Variants in ZNF705G observed in about 807,000 individuals in gnomAD.
ZNF705G encodes the protein zinc finger protein 705G.
A neutral mutation model predicts 19.6 loss-of-function variants in ZNF705G; 23 were observed. The observed-to-expected ratio is 1.17, with a 90% confidence interval of 0.84 to 1.66. ZNF705G has a LOEUF of 1.66. Ranked by LOEUF, ZNF705G falls within the 40% of genes most tolerant of loss-of-function variation. The pLI, the probability that ZNF705G is intolerant of heterozygous loss-of-function variation, is 0.00. For synonymous variants in ZNF705G, 146 were observed against 117.7 expected (o/e 1.24, Z -1.56); for missense variants, 457 against 354.4 (o/e 1.29, Z -2.32).
intron 1 of ZNF705G, among the ~76,000 whole-genome samples, chr8:7,384,510 C>A (rs1435796575): frequency 6.8e-6 from 1 of 145,996 alleles, no homozygotes; most frequent in Admixed American, 6.6e-5. Flanking sequence ...TGAACCTAAC[C>A]TGTAAGAGGA....
At chr8:7,380,014 G>A (rs1370860312) in intron 2 of ZNF705G, among the ~76,000 whole-genome samples, 5 of 142,092 alleles carry the variant, frequency 3.5e-5, no homozygotes, top group African/African-American at 1.5e-4. Flanking sequence ...ACTCACCAGT[G>A]TAGCTTGGTC....
rs545510261 is a variant in ZNF705G at position 7,357,777 on chromosome 8, A to T, written c.*199T>A. ...TGGCATGTTTAGATGCTACAACTAC[A>T]GCTGAAGTCTCTTCCACATTCCTTA... is the stretch of plus-strand genomic sequence containing the variant. On this transcript the variant is annotated 3_prime_UTR_variant, in exon 7 of 7. Coordinates refer to ENST00000400156, the MANE Select transcript of ZNF705G (RefSeq NM_001164457.3). 1 of 882,686 alleles carries T rather than the reference A, an allele frequency of 1.1e-6. No homozygotes were observed. Among genetic ancestry groups the T allele is most frequent in the Admixed American group, 2.9e-5 (1 of 34,026 alleles). The allele number at this position is 882,686 out of a possible 1,614,324, so 54.7% of individuals were successfully genotyped here. A position where few individuals can be genotyped will look rare whatever the true frequency, so the allele number is the denominator to read the frequency against.
intron 2 of ZNF705G, among the ~76,000 whole-genome samples, chr8:7,368,688 G>A (rs1270701877): frequency 6.7e-6 from 1 of 149,748 alleles, no homozygotes; most frequent in Non-Finnish European, 1.5e-5. Context: ...CTTGGCTGGT[G>A]GCAGCCCCTC....
chr8:7,368,272 C>T (rs1232276835), intron 2 of ZNF705G, among the ~76,000 whole-genome samples: 5 of 149,364 alleles, frequency 3.3e-5, no homozygotes, highest in Non-Finnish European at 5.9e-5. Flanking sequence ...AGAGTTAAGG[C>T]TATTTTGAAG....
intron 2 of ZNF705G, among the ~76,000 whole-genome samples, chr8:7,368,553 T>C (rs1371371624): frequency 6.7e-6 from 1 of 149,778 alleles, no homozygotes; most frequent in Non-Finnish European, 1.5e-5. Context: ...AGGGGTCATG[T>C]AGTACTTGTA....
At chr8:7,380,899 C>G (rs1186299247) in intron 2 of ZNF705G, among the ~76,000 whole-genome samples, 2 of 140,036 alleles carry the variant, frequency 1.4e-5, no homozygotes, top group African/African-American at 6.4e-5. Flanking sequence ...TGCCTGTAAT[C>G]CCAGCTACTC....
chr8:7,367,065 G>A (rs1417178226), intron 2 of ZNF705G, among the ~76,000 whole-genome samples: 1 of 149,722 alleles, frequency 6.7e-6, no homozygotes, highest in Non-Finnish European at 1.5e-5. Context: ...TTAAAATAAT[G>A]AGATATGGTC....
chr8:7,379,086 C>G (rs1415998552), intron 2 of ZNF705G, among the ~76,000 whole-genome samples: 3 of 150,660 alleles, frequency 2.0e-5, no homozygotes, highest in Non-Finnish European at 4.4e-5. Context: ...GGGGGCCTCC[C>G]CTTGGTCATT....
rs545266314 is a variant in ZNF705G at position 7,374,718 on chromosome 8, C to T, written c.-72+6734G>A. Reference sequence around the variant, plus strand: ...AGGCTCAGAATACCAAGCCTTAGTGCTGTCCCTATCATCTGCTTCACTCGA... The same window carrying T: ...AGGCTCAGAATACCAAGCCTTAGTGTTGTCCCTATCATCTGCTTCACTCGA... On this transcript the variant is annotated intron_variant, in intron 2 of 6. Coordinates refer to ENST00000400156, the MANE Select transcript of ZNF705G (RefSeq NM_001164457.3). Among the ~76,000 whole-genome samples, 9 of 89,356 alleles carry T rather than the reference C, an allele frequency of 1.0e-4. 3 individuals carry two copies. Among genetic ancestry groups the T allele is most frequent in the South Asian group, 7.9e-4 (2 of 2,526 alleles). The allele number at this position is 89,356 out of a possible 152,430, so 58.6% of individuals were successfully genotyped here.
chr8:7,358,800 A>G (rs1285553882), intron 6 of ZNF705G, among the ~76,000 whole-genome samples: 1 of 149,368 alleles, frequency 6.7e-6, no homozygotes, highest in Non-Finnish European at 1.5e-5. Context: ...CCTAAATAAT[A>G]TGGCTACAAG....
chr8:7,385,429 C>A (rs1210431150), intron 1 of ZNF705G, 69 bp downstream of exon 1: 4 of 149,074 alleles, frequency 2.7e-5, no homozygotes. Context: ...ACACTTACAC[C>A]CTGAAAGCAA....
Position 7,355,860 on chromosome 8 carries a change from G to C in ZNF705G, c.*2116C>G, listed in dbSNP as rs1390519466. ...CTTGCCTCTCCAACCAGTTTGCCAA[G>C]GGCTTGAATTTCTTGCTCATTATCC... On this transcript the variant is annotated 3_prime_UTR_variant, in exon 7 of 7. Transcript: ENST00000400156. 1 of 149,624 alleles carries C rather than the reference G, an allele frequency of 6.7e-6. No homozygotes were observed. Among genetic ancestry groups the C allele is most frequent in the Non-Finnish European group, 1.5e-5 (1 of 68,014 alleles). The allele number at this position is 149,624 out of a possible 1,614,324, so 9.3% of individuals were successfully genotyped here. A position where few individuals can be genotyped will look rare whatever the true frequency, so the allele number is the denominator to read the frequency against.
At chr8:7,361,009 G>T in intron 4 of ZNF705G, 101 bp downstream of exon 4, 1 of 1,579,326 alleles carries the variant, frequency 6.3e-7, no homozygotes, top group South Asian at 1.1e-5. Flanking sequence ...GAGAGAATCA[G>T]AGAAGAGATT....
At chr8:7,382,684 A>C (rs1221973665) in intron 1 of ZNF705G, among the ~76,000 whole-genome samples, 1 of 146,626 alleles carries the variant, frequency 6.8e-6, no homozygotes, top group Admixed American at 6.6e-5. Context: ...GCCTCTTTCC[A>C]CACATCTATG....
chr8:7,384,612 T>A (rs1385739925), intron 1 of ZNF705G, among the ~76,000 whole-genome samples: 1 of 145,386 alleles, frequency 6.9e-6, no homozygotes, highest in Non-Finnish European at 1.5e-5. Context: ...CCCTAAAATT[T>A]AAAACTTAAT....
chr8:7,379,202 C>T (rs1182490718), intron 2 of ZNF705G, among the ~76,000 whole-genome samples: 1 of 147,920 alleles, frequency 6.8e-6, no homozygotes, highest in African/African-American at 2.7e-5. Flanking sequence ...ACATGGACTA[C>T]TCGAAATCTC....
rs1585404536 is a variant in ZNF705G at position 7,357,728 on chromosome 8, T to G, written c.*248A>C. 7.3e-6 allele frequency: 5 copies of G among 685,240 alleles called. No individual in the cohort carries two copies. In the East Asian group the frequency reaches 1.4e-4, roughly 20 times the overall value. The allele number at this position is 685,240 out of a possible 1,614,324, so 42.4% of individuals were successfully genotyped here. A position where few individuals can be genotyped will look rare whatever the true frequency, so the allele number is the denominator to read the frequency against. On this transcript the variant is annotated 3_prime_UTR_variant, in exon 7 of 7. Transcript: ENST00000400156. ...GAAGTATCTTCCATGTTGATTACAG[T>G]ATTTCTTCAAAATGTGAGTCCTTTG...
At chr8:7,384,563 C>T (rs1807648217) in intron 1 of ZNF705G, among the ~76,000 whole-genome samples, 1 of 146,022 alleles carries the variant, frequency 6.8e-6, no homozygotes, top group Non-Finnish European at 1.5e-5. Context: ...ACACAAGATA[C>T]TACTTTCCTC....
chr8:7,369,375 G>A (rs1452118506), intron 2 of ZNF705G, among the ~76,000 whole-genome samples: 3 of 149,302 alleles, frequency 2.0e-5, no homozygotes, highest in Non-Finnish European at 2.9e-5. Flanking sequence ...GGAAAATGTG[G>A]CGTTGGAACC....
Sources: allele counts gnomAD v4.1 joint callset (sites outside exome capture counted in the v4.1 genomes callset), GRCh38; gene constraint gnomAD v4.1.1; transcripts MANE v1.5; gene names NCBI Gene and HGNC (gene_info 2026-07-23, HGNC 2026-07-21).